SOX1: variants seen among roughly 807,000 people sequenced by gnomAD.
SOX1 encodes transcription factor SOX-1.
In SOX1, 1 loss-of-function variant was observed where a neutral mutation model predicts 0.9. The observed-to-expected ratio is 1.07, with a 90% CI of 0.38 to 5.06. The LOEUF (loss-of-function observed/expected upper bound fraction) is 5.06. SOX1 is among the 30% of genes most tolerant of loss of function. SOX1 has a pLI of 0.16. For synonymous variants in SOX1, 397 were observed against 265.5 expected (o/e 1.50, Z -4.81); for missense variants, 564 against 534.4 (o/e 1.06, Z -0.55).
rs1251616868 is a variant in SOX1 at position 112,069,241 on chromosome 13, C to T, written c.*407C>T. 1 of 167,662 alleles carries T rather than the reference C, an allele frequency of 6.0e-6. No homozygotes were observed. The highest frequency in any genetic ancestry group is 2.4e-5 in the African/African-American group (1 of 41,516). 10.4% of individuals were successfully genotyped at this position (167,662 alleles called of 1,614,324 possible). A position where few individuals can be genotyped will look rare whatever the true frequency, so the allele number is the denominator to read the frequency against. ...GTTGCTTCCGGACGGCGCCGACCGC[C>T]GGAGCCCAAGTGACGCGGAGCTCGT... On this transcript the variant is annotated 3_prime_UTR_variant, in exon 1 of 1. Coordinates refer to ENST00000330949, the MANE Select transcript of SOX1 (RefSeq NM_005986.3).
Position 112,069,499 on chromosome 13 carries a change from A to G in SOX1, c.*665A>G, listed in dbSNP as rs369819305. 1 of 164,786 alleles carries G rather than the reference A, an allele frequency of 6.1e-6. No individual in the cohort carries two copies. Among genetic ancestry groups the G allele is most frequent in the South Asian group, 2.1e-4 (1 of 4,740 alleles). 10.2% of individuals were successfully genotyped at this position (164,786 alleles called of 1,614,324 possible). ...TTGTAAATGCATTGTGAAAAATTTT[A>G]TTTTCGGCGTTGCAATGCGGGGAGG... On this transcript the variant is annotated 3_prime_UTR_variant, in exon 1 of 1. Transcript: ENST00000330949.
chr13:112,068,296 A>T lies in SOX1; in HGVS notation c.638A>T (p.Tyr213Phe). ...AAMMQEAQLA[Y>F]GQHPGAGGAH... is the part of the protein sequence containing the mutation. Reference sequence around the variant, plus strand: ...ATGATGCAGGAGGCGCAGCTGGCCTACGGGCAGCACCCGGGCGCGGGCGGC... The same window carrying T: ...ATGATGCAGGAGGCGCAGCTGGCCTTCGGGCAGCACCCGGGCGCGGGCGGC... The change falls in exon 1 of 1, where the codon TAC becomes TTC. Residue 213 changes from tyrosine (Y) to phenylalanine (F), a missense_variant. Physicochemically the swap from Tyr to Phe is conservative, Grantham distance 22. Transcript: ENST00000330949. The surrounding 1 kb of genome is among the most constrained non-coding windows in gnomAD (Gnocchi z 6.9). 1.0e-6 allele frequency: 1 copy of T among 980,536 alleles called. No individual in the cohort carries two copies. The highest frequency in any genetic ancestry group is 1.2e-6 in the Non-Finnish European group (1 of 811,922). The allele number at this position is 980,536 out of a possible 1,614,324, so 60.7% of individuals were successfully genotyped here. A position where few individuals can be genotyped will look rare whatever the true frequency, so the allele number is the denominator to read the frequency against.
In SOX1 at chr13:112,070,220, T is replaced by A. The variant is rs780346173; in HGVS notation, c.*1386T>A. The A allele has an allele frequency of 3.6e-5, 6 of 167,030 alleles. No individual in the cohort carries two copies. Among genetic ancestry groups the A allele is most frequent in the Admixed American group, 2.0e-4 (3 of 15,270 alleles). 10.3% of individuals were successfully genotyped at this position (167,030 alleles called of 1,614,324 possible). On this transcript the variant is annotated 3_prime_UTR_variant, in exon 1 of 1. Coordinates refer to ENST00000330949, the MANE Select transcript of SOX1 (RefSeq NM_005986.3). ...CTCTTGGGAAAACGGGCAAAATAAT[T>A]GTGCTGGATTCTCACACACACAGAA...
rs1412807436 is a variant in SOX1 at position 112,067,765 on chromosome 13, G to C, written c.107G>C (p.Gly36Ala). 9.4e-5 allele frequency: 120 copies of C among 1,276,070 alleles called. 1 individual carries two copies. Among genetic ancestry groups the C allele is most frequent in the Non-Finnish European group, 1.1e-4 (115 of 1,004,544 alleles). 79.0% of individuals were successfully genotyped at this position (1,276,070 alleles called of 1,614,324 possible). A position where few individuals can be genotyped will look rare whatever the true frequency, so the allele number is the denominator to read the frequency against. ...GCGGGCGGCGGCGGGGGCGGAGGCGGGGGCGGCGGCGGCGGCGGGGGCGCC... is the reference window on the plus strand; with the variant it reads ...GCGGGCGGCGGCGGGGGCGGAGGCGCGGGCGGCGGCGGCGGCGGGGGCGCC... ...AGAGGGGGGG[G>A]GGGGGGGAKA... The change falls in exon 1 of 1, where the codon GGG becomes GCG. Residue 36 changes from glycine (G) to alanine (A), a missense_variant. By Grantham distance (60) the Gly-to-Ala change is moderately conservative. Coordinates refer to ENST00000330949, the MANE Select transcript of SOX1 (RefSeq NM_005986.3). The surrounding 1 kb of genome is among the most constrained non-coding windows in gnomAD (Gnocchi z 5.1).
rs1189349232 is a variant in SOX1 at position 112,068,324 on chromosome 13, G to A, written c.666G>A (p.Ala222=). The A allele has an allele frequency of 6.3e-6, 7 of 1,107,440 alleles. No homozygotes were observed. The highest frequency in any genetic ancestry group is 5.1e-5 in the Admixed American group (1 of 19,430). 68.6% of individuals were successfully genotyped at this position (1,107,440 alleles called of 1,614,324 possible). The change falls in exon 1 of 1, where the codon GCG becomes GCA. Residue 222 remains alanine (A), a synonymous_variant. Coordinates refer to ENST00000330949, the MANE Select transcript of SOX1 (RefSeq NM_005986.3). The surrounding 1 kb of genome is among the most constrained non-coding windows in gnomAD (Gnocchi z 6.9). The part of the protein sequence containing the change: ...AYGQHPGAGG[A]HPHAHPAHPH... ...GGCAGCACCCGGGCGCGGGCGGCGC[G>A]CACCCGCACGCGCACCCCGCGCACC... is the stretch of plus-strand genomic sequence containing the variant.
rs1340228597 is a variant in SOX1, at chr13:112,067,481, C to G, written c.-178C>G. Among the ~76,000 whole-genome samples the G allele has an allele frequency of 6.6e-6, 1 of 152,162 alleles. No individual in the cohort carries two copies. The highest frequency in any genetic ancestry group is 1.5e-5 in the Non-Finnish European group (1 of 68,016). The stretch of plus-strand genomic sequence containing the variant: ...CTGCGAGCCGAACCGGCGCCGAGTG[C>G]GTGTGTTTCTGCCTTTTTTTGTTGT... On this transcript the variant is annotated 5_prime_UTR_variant, in exon 1 of 1. Transcript: ENST00000330949. The surrounding 1 kb of genome is among the most constrained non-coding windows in gnomAD (Gnocchi z 5.1).
rs770444907 is a variant in SOX1 at position 112,067,932 on chromosome 13, A to C, written c.274A>C (p.Met92Leu). Residue 92 changes from methionine to leucine, a missense_variant, in exon 1 of 1, where the codon ATG becomes CTG. Transcript: ENST00000330949. This position sits in a 1 kb window ranked among gnomAD's most constrained non-coding sequence, Gnocchi z 5.1. ...GCGCCTGGGGGCCGAGTGGAAGGTC[A>C]TGTCCGAGGCCGAGAAGCGGCCGTT... Reference protein sequence around the residue: ...SKRLGAEWKVMSEAEKRPFID... With the variant: ...SKRLGAEWKVLSEAEKRPFID... 5.0e-6 allele frequency: 8 copies of C among 1,605,770 alleles called. No individual in the cohort carries two copies. Among genetic ancestry groups the C allele is most frequent in the South Asian group, 1.1e-5 (1 of 90,872 alleles).
rs1219452757 is a variant in SOX1 at position 112,068,174 on chromosome 13, C to G, written c.516C>G (p.Ser172Arg). 1.2e-6 allele frequency: 1 copy of G among 855,316 alleles called. No homozygotes were observed. The highest frequency in any genetic ancestry group is 1.9e-5 in the African/African-American group (1 of 53,884). 53.0% of individuals were successfully genotyped at this position (855,316 alleles called of 1,614,324 possible). The change falls in exon 1 of 1, where the codon AGC becomes AGG. Residue 172 changes from serine (S) to arginine (R), a missense_variant. Physicochemically the swap from Ser to Arg is moderately radical, Grantham distance 110. Transcript: ENST00000330949. The surrounding 1 kb of genome is among the most constrained non-coding windows in gnomAD (Gnocchi z 6.9). ...CGGCCGTGGGCCAGCGCCTGGAGAG[C>G]CCAGGCGGCGCGGCGGGCGGCGGCT... ...GAAAVGQRLE[S>R]PGGAAGGGYA...
Position 112,067,916 on chromosome 13 carries a change from G to A in SOX1, c.258G>A (p.Gly86=). ...ACTCGGAGATCAGCAAGCGCCTGGG[G>A]GCCGAGTGGAAGGTCATGTCCGAGG... ...MHNSEISKRL[G]AEWKVMSEAE... is the part of the protein sequence containing the mutation. The change falls in exon 1 of 1, where the codon GGG becomes GGA. Residue 86 remains glycine, a synonymous_variant. Coordinates refer to ENST00000330949, the MANE Select transcript of SOX1 (RefSeq NM_005986.3). The surrounding 1 kb of genome is among the most constrained non-coding windows in gnomAD (Gnocchi z 5.1). The A allele has an allele frequency of 6.2e-7, 1 of 1,608,610 alleles. No homozygotes were observed. Among genetic ancestry groups the A allele is most frequent in the South Asian group, 1.1e-5 (1 of 90,910 alleles).
Position 112,068,471 on chromosome 13 carries a change from G to A in SOX1, c.813G>A (p.Ser271=), listed in dbSNP as rs1450634875. The change falls in exon 1 of 1, where the codon TCG becomes TCA. Residue 271 remains serine (S), a synonymous_variant. Transcript: ENST00000330949. This position sits in a 1 kb window ranked among gnomAD's most constrained non-coding sequence, Gnocchi z 6.9. ...NSQGYMSASP[S]GYGGLPYGAA... Reference sequence around the variant, plus strand: ...AGGGCTACATGAGCGCGTCGCCCTCGGGCTACGGCGGCCTCCCCTACGGCG... The same window carrying A: ...AGGGCTACATGAGCGCGTCGCCCTCAGGCTACGGCGGCCTCCCCTACGGCG... 1.7e-6 allele frequency: 2 copies of A among 1,149,176 alleles called. No individual in the cohort carries two copies. The highest frequency in any genetic ancestry group is 2.2e-6 in the Non-Finnish European group (2 of 923,106). The allele number at this position is 1,149,176 out of a possible 1,614,324, so 71.2% of individuals were successfully genotyped here. A position where few individuals can be genotyped will look rare whatever the true frequency, so the allele number is the denominator to read the frequency against.
rs1880757186 is a variant in SOX1, at chr13:112,067,732, C to T, written c.74C>T (p.Pro25Leu). 1 of 1,246,180 alleles carries T rather than the reference C, an allele frequency of 8.0e-7. No individual in the cohort carries two copies. The highest frequency in any genetic ancestry group is 3.7e-5 in the South Asian group (1 of 27,356). The allele number at this position is 1,246,180 out of a possible 1,614,324, so 77.2% of individuals were successfully genotyped here. A position where few individuals can be genotyped will look rare whatever the true frequency, so the allele number is the denominator to read the frequency against. ...GAQAPTNLSG[P>L]AGAGGGGGGG... ...CAGGCCCCCACGAACCTCTCGGGCC[C>T]CGCCGGGGCGGGCGGCGGCGGGGGC... The change falls in exon 1 of 1, where the codon CCC becomes CTC. Residue 25 changes from proline to leucine, a missense_variant. By Grantham distance (98) the Pro-to-Leu change is moderately conservative. Coordinates refer to ENST00000330949, the MANE Select transcript of SOX1 (RefSeq NM_005986.3). The surrounding 1 kb of genome is among the most constrained non-coding windows in gnomAD (Gnocchi z 5.1).
rs902454779 is a variant in SOX1 at position 112,068,018 on chromosome 13, C to T, written c.360C>T (p.Tyr120=). The T allele has an allele frequency of 3.7e-6, 6 of 1,605,700 alleles. No homozygotes were observed. Among genetic ancestry groups the T allele is most frequent in the African/African-American group, 1.3e-5 (1 of 74,448 alleles). The stretch of plus-strand genomic sequence containing the variant: ...TGAAGGAGCACCCGGATTACAAGTA[C>T]CGGCCGCGCCGCAAGACCAAGACGC... The part of the protein sequence containing the change: ...LHMKEHPDYK[Y]RPRRKTKTLL... The change falls in exon 1 of 1, where the codon TAC becomes TAT. Residue 120 remains tyrosine (Y), a synonymous_variant. Transcript: ENST00000330949. This position sits in a 1 kb window ranked among gnomAD's most constrained non-coding sequence, Gnocchi z 6.9.
chr13:112,068,590 T>G lies in SOX1; in HGVS notation c.932T>G (p.Leu311Arg). The G allele has an allele frequency of 9.1e-7, 1 of 1,101,518 alleles. No homozygotes were observed. The highest frequency in any genetic ancestry group is 1.1e-6 in the Non-Finnish European group (1 of 907,704). The allele number at this position is 1,101,518 out of a possible 1,614,324, so 68.2% of individuals were successfully genotyped here. ...GCGGCGGCCGCGTCGTCGGGCGCCCTGGGCGCGCTGGGCTCTCTGGTGAAG... is the reference window on the plus strand; with the variant it reads ...GCGGCGGCCGCGTCGTCGGGCGCCCGGGGCGCGCTGGGCTCTCTGGTGAAG... ...AAAAAASSGA[L>R]GALGSLVKSE... is the part of the protein sequence containing the mutation. Residue 311 changes from leucine (L) to arginine (R), a missense_variant, in exon 1 of 1, where the codon CTG becomes CGG. Coordinates refer to ENST00000330949, the MANE Select transcript of SOX1 (RefSeq NM_005986.3). This position sits in a 1 kb window ranked among gnomAD's most constrained non-coding sequence, Gnocchi z 6.9.
chr13:112,068,250 G>C lies in SOX1; in HGVS notation c.592G>C (p.Ala198Pro), dbSNP rs1330218191. 1.3e-6 allele frequency: 1 copy of C among 760,582 alleles called. No individual in the cohort carries two copies. Among genetic ancestry groups the C allele is most frequent in the Non-Finnish European group, 1.6e-6 (1 of 619,744 alleles). The allele number at this position is 760,582 out of a possible 1,614,324, so 47.1% of individuals were successfully genotyped here. A position where few individuals can be genotyped will look rare whatever the true frequency, so the allele number is the denominator to read the frequency against. ...CGGCGCCTACCCCGGCTCGGTGGCG[G>C]CGGCGGCGGCGGCCGCGGCCATGAT... ...ANGAYPGSVAAAAAAAAMMQE... is the reference protein window; with the variant it reads ...ANGAYPGSVAPAAAAAAMMQE... The change falls in exon 1 of 1, where the codon GCG (alanine) becomes CCG (proline). Residue 198 changes from alanine to proline, a missense_variant. By Grantham distance (27) the Ala-to-Pro change is conservative. Transcript: ENST00000330949. The surrounding 1 kb of genome is among the most constrained non-coding windows in gnomAD (Gnocchi z 6.9).
rs976270677 is a variant in SOX1 at position 112,070,335 on chromosome 13, G to C, written c.*1501G>C. 1 of 166,864 alleles carries C rather than the reference G, an allele frequency of 6.0e-6. No homozygotes were observed. The highest frequency in any genetic ancestry group is 2.4e-5 in the African/African-American group (1 of 41,392). 10.3% of individuals were successfully genotyped at this position (166,864 alleles called of 1,614,324 possible). On this transcript the variant is annotated 3_prime_UTR_variant, in exon 1 of 1. Transcript: ENST00000330949. ...ATGCCTTGTTCATTATTCCTGACGA[G>C]ATCTTGAGGTTGTTTGATGCTTTAA...
rs1880751176 is a variant in SOX1, at chr13:112,067,581, C to G, written c.-78C>G. On this transcript the variant is annotated 5_prime_UTR_variant, in exon 1 of 1. Transcript: ENST00000330949. The surrounding 1 kb of genome is among the most constrained non-coding windows in gnomAD (Gnocchi z 5.1). The stretch of plus-strand genomic sequence containing the variant: ...CCCGTCTCACTCCGTCTGAATTCCT[C>G]TCCGTCTCCCTCCCACCCCGGCCGT... 1.3e-6 allele frequency: 1 copy of G among 786,622 alleles called. No individual in the cohort carries two copies. The highest frequency in any genetic ancestry group is 1.6e-6 in the Non-Finnish European group (1 of 617,792). The allele number at this position is 786,622 out of a possible 1,614,324, so 48.7% of individuals were successfully genotyped here.
In SOX1 at chr13:112,068,370, G is replaced by GCGCACC. The variant is rs766974042; in HGVS notation, c.718_723dup (p.Pro240_His241dup). 424 of 1,270,852 alleles carry GCGCACC rather than the reference G, an allele frequency of 3.3e-4. 4 individuals carry two copies. In the Admixed American group the frequency reaches 0.011, roughly 32 times the overall value. 78.7% of individuals were successfully genotyped at this position (1,270,852 alleles called of 1,614,324 possible). A position where few individuals can be genotyped will look rare whatever the true frequency, so the allele number is the denominator to read the frequency against. ...GCACCCGCACCCGCACCACCCGCAC[G>GCGCACC]CGCACCCGCACAACCCGCAGCCCAT... On this transcript the variant is annotated inframe_insertion, in exon 1 of 1. Transcript: ENST00000330949. The surrounding 1 kb of genome is among the most constrained non-coding windows in gnomAD (Gnocchi z 6.9).
chr13:112,068,504 C>A lies in SOX1; in HGVS notation c.846C>A (p.Ala282=). Residue 282 remains alanine (A), a synonymous_variant, in exon 1 of 1, where the codon GCC becomes GCA. Coordinates refer to ENST00000330949, the MANE Select transcript of SOX1 (RefSeq NM_005986.3). This position sits in a 1 kb window ranked among gnomAD's most constrained non-coding sequence, Gnocchi z 6.9. ...GYGGLPYGAA[A]AAAAAAGGAH... ...GCGGCCTCCCCTACGGCGCCGCGGC[C>A]GCCGCCGCCGCCGCTGCGGGCGGCG... is the stretch of plus-strand genomic sequence containing the variant. 1.0e-6 allele frequency: 1 copy of A among 975,572 alleles called. No homozygotes were observed. Among genetic ancestry groups the A allele is most frequent in the Non-Finnish European group, 1.2e-6 (1 of 819,148 alleles). 60.4% of individuals were successfully genotyped at this position (975,572 alleles called of 1,614,324 possible). A position where few individuals can be genotyped will look rare whatever the true frequency, so the allele number is the denominator to read the frequency against.
rs980365906 is a variant in SOX1 at position 112,067,393 on chromosome 13, G to C, written c.-266G>C. Among the ~76,000 whole-genome samples the C allele has an allele frequency of 6.6e-6, 1 of 152,172 alleles. No individual in the cohort carries two copies. The highest frequency in any genetic ancestry group is 2.4e-5 in the African/African-American group (1 of 41,456). On this transcript the variant is annotated 5_prime_UTR_variant, in exon 1 of 1. Transcript: ENST00000330949. This position sits in a 1 kb window ranked among gnomAD's most constrained non-coding sequence, Gnocchi z 5.1. ...GCGCCTGGGCTGCGGTGGCGGCGAA[G>C]ACGGCGACCCCGACCGTCGGCCTCT...
Sources: gnomAD v4.1 joint callset for allele counts (sites outside exome capture counted in the v4.1 genomes callset) on GRCh38, gnomAD v4.1.1 for gene constraint, Gnocchi (gnomAD v3.1) non-coding constraint, MANE v1.5 for transcripts, NCBI Gene and HGNC (gene_info 2026-07-23, HGNC 2026-07-21) for gene names.